PTPRD: variants seen among roughly 807,000 people sequenced by gnomAD.
PTPRD encodes protein tyrosine phosphatase receptor type D, also known as receptor-type tyrosine-protein phosphatase delta.
PTPRD carries 34 observed loss-of-function variants against 214.5 expected under a neutral mutation model. The ratio of observed to expected loss-of-function variants is 0.16; its 90% confidence interval spans 0.12 to 0.21. PTPRD has a LOEUF of 0.21. Among genes scored for constraint, PTPRD ranks in the 10% least tolerant of loss-of-function variants. The probability of loss-of-function intolerance (pLI) is 1.00; values close to 1 mark genes in which losing one functional copy is unlikely to be tolerated. For missense variants in PTPRD, 2,545 were observed against 2,398.7 expected (o/e 1.06, Z -1.27); for synonymous variants, 1,128 against 845.7 (o/e 1.33, Z -5.79).
chr9:10,086,113 G>T (rs957747635), intron 3 of PTPRD, among the ~76,000 whole-genome samples: 1 of 151,734 alleles, frequency 6.6e-6, no homozygotes, highest in Non-Finnish European at 1.5e-5. Context: ...AATTGATAAA[G>T]GTTTTAGCAT....
intron 9 of PTPRD, among the ~76,000 whole-genome samples, chr9:9,355,495 AGGTTTTT>A (rs2053416288): frequency 1.3e-5 from 2 of 151,704 alleles, no homozygotes; most frequent in Admixed American, 1.3e-4. Flanking sequence ...AACCATTTTT[AGGTTTTT>A]GGTATAAGTG....
intron 34 of PTPRD, among the ~76,000 whole-genome samples, chr9:8,445,612 C>A (rs2095693845): frequency 6.6e-6 from 1 of 152,174 alleles, no homozygotes; most frequent in African/African-American, 2.4e-5. Context: ...GGTCCTAACA[C>A]TATGCAGCAT....
At chr9:9,225,888 C>A (rs2099959154) in intron 9 of PTPRD, among the ~76,000 whole-genome samples, 1 of 151,962 alleles carries the variant, frequency 6.6e-6, no homozygotes, top group Admixed American at 6.6e-5. Context: ...CTCATTCAGA[C>A]TTGCCATGTT....
At chr9:10,088,778 C>T (rs189299464) in intron 3 of PTPRD, among the ~76,000 whole-genome samples, 1 of 151,754 alleles carries the variant, frequency 6.6e-6, no homozygotes, top group Admixed American at 6.6e-5. Context: ...ATAAGCTGGC[C>T]AGCATAATAG....
intron 3 of PTPRD, among the ~76,000 whole-genome samples, chr9:10,110,779 CAGTT>C (rs1003509658): frequency 5.3e-5 from 8 of 152,178 alleles, no homozygotes; most frequent in East Asian, 3.9e-4. Context: ...AGAGAAAAAA[CAGTT>C]AGAAAGGATA....
intron 14 of PTPRD, among the ~76,000 whole-genome samples, chr9:8,599,343 C>T (rs1457972055): frequency 6.6e-6 from 1 of 152,052 alleles, no homozygotes; most frequent in African/African-American, 2.4e-5. Flanking sequence ...CTGTCTATGG[C>T]CATATCTGTC....
chr9:9,887,567 T>C (rs1044184820), intron 5 of PTPRD, among the ~76,000 whole-genome samples: 3 of 152,168 alleles, frequency 2.0e-5, no homozygotes, highest in East Asian at 3.9e-4. Flanking sequence ...TAAACTTCCC[T>C]GTGGGATGAA....
intron 9 of PTPRD, among the ~76,000 whole-genome samples, chr9:9,303,917 A>T (rs141201670): frequency 6.6e-6 from 1 of 152,124 alleles, no homozygotes; most frequent in Non-Finnish European, 1.5e-5. Flanking sequence ...CCTTTAAGGA[A>T]TACTTATAAA....
intron 11 of PTPRD, among the ~76,000 whole-genome samples, chr9:8,783,200 A>G (rs533715472): frequency 6.6e-6 from 1 of 152,310 alleles, no homozygotes; most frequent in Non-Finnish European, 1.5e-5. Flanking sequence ...GTCAGAACAA[A>G]AAAAGTTCAA....
chr9:8,927,892 T>C (rs958124884), intron 11 of PTPRD, among the ~76,000 whole-genome samples: 4 of 152,220 alleles, frequency 2.6e-5, no homozygotes, highest in African/African-American at 9.6e-5. Flanking sequence ...TTTTTAATGA[T>C]TGCCATTCTA....
chr9:9,641,878 C>T (rs1221556918), intron 7 of PTPRD, among the ~76,000 whole-genome samples: 2 of 152,178 alleles, frequency 1.3e-5, no homozygotes, highest in African/African-American at 2.4e-5. Flanking sequence ...AGTAAGTTTA[C>T]TGAGACTCCA....
At chr9:10,475,842 G>C (rs921286037) in intron 2 of PTPRD, among the ~76,000 whole-genome samples, 1 of 151,844 alleles carries the variant, frequency 6.6e-6, no homozygotes, top group African/African-American at 2.4e-5. Flanking sequence ...ATCAATAAAT[G>C]TAATCCATCA....
chr9:8,420,993 AC>A (rs1237837967), intron 35 of PTPRD, among the ~76,000 whole-genome samples: 1 of 152,100 alleles, frequency 6.6e-6, no homozygotes, highest in Non-Finnish European at 1.5e-5. Context: ...AGGGAGGTCC[AC>A]CAAGGAAAGC....
chr9:9,819,636 G>T (rs2050026061), intron 5 of PTPRD, among the ~76,000 whole-genome samples: 1 of 152,004 alleles, frequency 6.6e-6, no homozygotes, highest in South Asian at 2.1e-4. Context: ...GTCCCCAACG[G>T]TTAGTTTTTC....
In PTPRD at chr9:10,008,192, C is replaced by G. The variant is rs142889907; in HGVS notation, c.-472+25526G>C. Among the ~76,000 whole-genome samples the G allele has an allele frequency of 1.6e-3, 245 of 152,052 alleles. 1 individual carries two copies. The highest frequency in any genetic ancestry group is 1.6e-3 in the Non-Finnish European group (106 of 67,922). On this transcript the variant is annotated intron_variant, in intron 4 of 45. Transcript: ENST00000381196. ...AGAAACCTTGAAAACTGAGTTCTCA[C>G]CTGTGATGGGATGGGAGGTCACACA...
chr9:9,961,469 G>T (rs1193309256), intron 4 of PTPRD, among the ~76,000 whole-genome samples: 1 of 152,134 alleles, frequency 6.6e-6, no homozygotes, highest in African/African-American at 2.4e-5. Flanking sequence ...CGGCTCATTT[G>T]CCCACAAGGT....
chr9:10,318,182 C>G (rs1012490847), intron 3 of PTPRD, among the ~76,000 whole-genome samples: 3 of 151,942 alleles, frequency 2.0e-5, no homozygotes, highest in Non-Finnish European at 4.4e-5. Context: ...TGTTTACATC[C>G]ATGAAGATTT....
chr9:9,385,396 G>C (rs1003443302), intron 9 of PTPRD, among the ~76,000 whole-genome samples: 2 of 152,144 alleles, frequency 1.3e-5, no homozygotes, highest in Non-Finnish European at 2.9e-5. Context: ...TAAATGAGAG[G>C]AAAGCGAAGT....
chr9:9,278,341 C>T (rs1264165367), intron 9 of PTPRD, among the ~76,000 whole-genome samples: 1 of 151,198 alleles, frequency 6.6e-6, no homozygotes, highest in East Asian at 2.0e-4. Flanking sequence ...AGGCGTGTAG[C>T]TGACTGTATT....
Sources: gnomAD v4.1 joint callset for allele counts (sites outside exome capture counted in the v4.1 genomes callset) on GRCh38, gnomAD v4.1.1 for gene constraint, MANE v1.5 for transcripts, NCBI Gene and HGNC (gene_info 2026-07-23, HGNC 2026-07-21) for gene names.